DNAH9: variants seen among roughly 807,000 people sequenced by gnomAD.
DNAH9 encodes the protein dynein axonemal heavy chain 9, also known as DNAH9 variant protein.
DNAH9 carries 345 observed loss-of-function variants against 471.6 expected under a neutral mutation model. The observed-to-expected ratio is 0.73, with a 90% confidence interval of 0.67 to 0.80. The LOEUF is 0.80. DNAH9 is among the 30% of genes least tolerant of loss of function. DNAH9 has a pLI of 0.00. For synonymous variants in DNAH9, 2,093 were observed against 2,123.6 expected (o/e 0.99, Z 0.40); for missense variants, 5,407 against 5,609.2 (o/e 0.96, Z 1.15).
intron 66 of DNAH9, among the ~76,000 whole-genome samples, chr17:11,939,218 C>G (rs1302691541): frequency 6.6e-6 from 1 of 152,054 alleles, no homozygotes; most frequent in Non-Finnish European, 1.5e-5. Context: ...GTCTATTCCA[C>G]TATTTGATGT....
In DNAH9 at chr17:11,689,794, G is replaced by C; in HGVS notation, c.3972G>C (p.Trp1324Cys). 6.2e-7 allele frequency: 1 copy of C among 1,614,208 alleles called. No homozygotes were observed. The highest frequency in any genetic ancestry group is 8.5e-7 in the Non-Finnish European group (1 of 1,180,028). Reference sequence around the variant, plus strand: ...TCCATGCCTGGGAGACCACACCCTGGAGGAATATCAACGTGGAAGCCATGG... The same window carrying C: ...TCCATGCCTGGGAGACCACACCCTGCAGGAATATCAACGTGGAAGCCATGG... ...SSIHAWETTP[W>C]RNINVEAMEL... is the part of the protein sequence containing the mutation. Residue 1324 changes from tryptophan (W) to cysteine (C), a missense_variant, in exon 20 of 69, where the codon TGG becomes TGC. Around this residue, in one of 3 missense-constraint regions of DNAH9, gnomAD observed 4,636 missense variants for 4,900.3 expected, o/e 0.95. Coordinates refer to ENST00000262442, the MANE Select transcript of DNAH9 (RefSeq NM_001372.4).
intron 24 of DNAH9, among the ~76,000 whole-genome samples, chr17:11,702,635 A>G (rs2074621181): frequency 6.6e-6 from 1 of 152,158 alleles, no homozygotes; most frequent in South Asian, 2.1e-4. Context: ...CAAGCAAGAA[A>G]CTGTTGGTAG....
chr17:11,720,549 A>T (rs1255353116), intron 27 of DNAH9, among the ~76,000 whole-genome samples: 1 of 152,202 alleles, frequency 6.6e-6, no homozygotes, highest in Non-Finnish European at 1.5e-5. Flanking sequence ...ATTTGCAGTG[A>T]AAAAAAGTTG....
chr17:11,769,867 G>A (rs936040275), intron 38 of DNAH9, among the ~76,000 whole-genome samples: 1 of 152,176 alleles, frequency 6.6e-6, no homozygotes, highest in Non-Finnish European at 1.5e-5. Context: ...ATGGGCCACC[G>A]GTGATGTTTT....
chr17:11,753,028 G>A (rs150365888), intron 33 of DNAH9, 68 bp downstream of exon 33: 9 of 1,351,034 alleles, frequency 6.7e-6, no homozygotes, highest in African/African-American at 1.5e-5. Context: ...CAGTGTGGCA[G>A]GCATACTTGC....
intron 19 of DNAH9, among the ~76,000 whole-genome samples, chr17:11,682,184 C>T (rs1361517158): frequency 1.3e-5 from 2 of 152,008 alleles, no homozygotes; most frequent in Non-Finnish European, 2.9e-5. Context: ...GTCTGTTTTA[C>T]ACACTTGTCC....
At position 11,784,367 on chromosome 17, in the gene DNAH9, T is replaced by A. The variant is rs907819731; in HGVS notation, c.7889T>A (p.Ile2630Asn). 2 of 1,614,068 alleles carry A rather than the reference T, an allele frequency of 1.2e-6. No individual in the cohort carries two copies. Among genetic ancestry groups the A allele is most frequent in the African/African-American group, 1.3e-5 (1 of 74,926 alleles). Residue 2630 changes from isoleucine to asparagine, a missense_variant, in exon 41 of 69, where the codon ATC becomes AAC. Physicochemically the swap from Ile to Asn is moderately radical, Grantham distance 149 (BLOSUM62 -3). Coordinates refer to ENST00000262442, the MANE Select transcript of DNAH9 (RefSeq NM_001372.4). ...ADALSSIYSI[I>N]LTQHLKLGNF... ...GCCCTGTCCTCTATCTACAGCATCA[T>A]CCTCACTCAGCATCTGAAGCTCGGA...
chr17:11,891,034 A>G (rs1384189660), intron 57 of DNAH9, among the ~76,000 whole-genome samples: 1 of 152,200 alleles, frequency 6.6e-6, no homozygotes, highest in East Asian at 1.9e-4. Context: ...ATCACATTTA[A>G]AATGTAACAT....
intron 28 of DNAH9, among the ~76,000 whole-genome samples, chr17:11,734,934 A>G (rs1236596762): frequency 6.6e-6 from 1 of 152,200 alleles, no homozygotes; most frequent in Non-Finnish European, 1.5e-5. Context: ...AATTGACTGG[A>G]CTGCAGTGGT....
At chr17:11,641,764 G>T (rs2073277706) in intron 10 of DNAH9, among the ~76,000 whole-genome samples, 1 of 152,084 alleles carries the variant, frequency 6.6e-6, no homozygotes, top group African/African-American at 2.4e-5. Context: ...GCTGTCACAG[G>T]TCTGGTTCCC....
At chr17:11,914,110 C>T (rs907317030) in intron 61 of DNAH9, among the ~76,000 whole-genome samples, 1 of 152,160 alleles carries the variant, frequency 6.6e-6, no homozygotes, top group African/African-American at 2.4e-5. Flanking sequence ...GATCAAATGT[C>T]ATAATCTTTA....
intron 1 of DNAH9, among the ~76,000 whole-genome samples, chr17:11,605,012 A>C (rs892884372): frequency 6.6e-6 from 1 of 152,182 alleles, no homozygotes; most frequent in Non-Finnish European, 1.5e-5. Context: ...GCAAGGCTGC[A>C]TGTGAATTGA....
intron 22 of DNAH9, among the ~76,000 whole-genome samples, chr17:11,698,035 A>G (rs2074506308): frequency 6.8e-6 from 1 of 146,224 alleles, no homozygotes; most frequent in Non-Finnish European, 1.5e-5. Flanking sequence ...AATTATGTAT[A>G]AAGGTTAAAA....
chr17:11,906,472 CA>C (rs1450844217), intron 61 of DNAH9, among the ~76,000 whole-genome samples: 1 of 151,750 alleles, frequency 6.6e-6, no homozygotes, highest in East Asian at 1.9e-4. Flanking sequence ...ACCAAAATCA[CA>C]AAAATTAGCT....
Position 11,937,243 on chromosome 17 carries a change from C to T in DNAH9, c.12490-109C>T, listed in dbSNP as rs768717745. On this transcript the variant is annotated intron_variant, in intron 65 of 68. Coordinates refer to ENST00000262442, the MANE Select transcript of DNAH9 (RefSeq NM_001372.4). The surrounding 1 kb of genome is among the most constrained non-coding windows in gnomAD (Gnocchi z 4.1). ...CAACCAGGGATGGTGAGCAGTGTCC[C>T]CTGGAGGAGGGATACTAGCCCATGG... 19 of 1,350,346 alleles carry T rather than the reference C, an allele frequency of 1.4e-5. No individual in the cohort carries two copies. Among genetic ancestry groups the T allele is most frequent in the Admixed American group, 9.1e-5 (4 of 43,978 alleles). The allele number at this position is 1,350,346 out of a possible 1,614,324, so 83.6% of individuals were successfully genotyped here. A position where few individuals can be genotyped will look rare whatever the true frequency, so the allele number is the denominator to read the frequency against.
intron 51 of DNAH9, 90 bp from the exon 52 acceptor site, chr17:11,871,508 C>T (rs776388477): frequency 1.7e-6 from 2 of 1,147,576 alleles, no homozygotes; most frequent in South Asian, 1.4e-5. Flanking sequence ...CGCTATGAAG[C>T]GTGCAGCGGG....
chr17:11,910,450 A>T (rs1465719786), intron 61 of DNAH9, among the ~76,000 whole-genome samples: 1 of 152,160 alleles, frequency 6.6e-6, no homozygotes, highest in Non-Finnish European at 1.5e-5. Context: ...TTATCTCTCT[A>T]TTCATCTGTT....
intron 22 of DNAH9, 39 bp downstream of exon 22, chr17:11,694,486 C>A: frequency 6.2e-7 from 1 of 1,611,198 alleles, no homozygotes; most frequent in Non-Finnish European, 8.5e-7. Context: ...TCTAGGAGGG[C>A]TGAGGGGTGC....
At chr17:11,886,785 G>A in intron 56 of DNAH9, 40 bp from the exon 57 acceptor site, 1 of 1,571,184 alleles carries the variant, frequency 6.4e-7, no homozygotes, top group South Asian at 1.2e-5. Flanking sequence ...GGAAGCCCAG[G>A]TTGGTTGGAA....
Sources: allele counts gnomAD v4.1 joint callset (sites outside exome capture counted in the v4.1 genomes callset), GRCh38; gene constraint gnomAD v4.1.1; regional missense constraint gnomAD v4.1.1; non-coding constraint Gnocchi (gnomAD v3.1); transcripts MANE v1.5; gene names NCBI Gene and HGNC (gene_info 2026-07-23, HGNC 2026-07-21).